ADCY2: variants seen among roughly 807,000 people sequenced by gnomAD.
ADCY2 encodes adenylate cyclase 2.
Under a neutral mutation model 125.2 loss-of-function variants are expected in ADCY2, and 31 were observed. The observed-to-expected ratio is 0.25, with a 90% CI of 0.19 to 0.33. ADCY2 has a LOEUF of 0.33. Among genes scored for constraint, ADCY2 ranks in the 10% least tolerant of loss-of-function variants. The pLI, the probability that ADCY2 is intolerant of heterozygous loss-of-function variation, is 1.00. For synonymous variants in ADCY2, 512 were observed against 548.4 expected, an observed-to-expected ratio of 0.93 and a Z score of 0.93; for missense variants, 904 against 1,418.2, an observed-to-expected ratio of 0.64 and a Z score of 5.82.
At chr5:7,780,083 G>A (rs1333120004) in intron 18 of ADCY2, among the ~76,000 whole-genome samples, 1 of 152,162 alleles carries the variant, frequency 6.6e-6, no homozygotes, top group Non-Finnish European at 1.5e-5. Context: ...AGCAGGAGAG[G>A]ACACCATGAA....
chr5:7,524,047 A>G (rs1468515125), intron 3 of ADCY2, among the ~76,000 whole-genome samples: 1 of 151,786 alleles, frequency 6.6e-6, no homozygotes, highest in Non-Finnish European at 1.5e-5. Flanking sequence ...TCCCTGCTGC[A>G]TAAGAGAGTT....
At chr5:7,770,843 G>A (rs149801224) in intron 17 of ADCY2, among the ~76,000 whole-genome samples, 79 of 152,074 alleles carry the variant, frequency 5.2e-4, no homozygotes, top group African/African-American at 1.8e-3. Flanking sequence ...TTTTCATTTC[G>A]CTTTGTTTTG....
intron 7 of ADCY2, among the ~76,000 whole-genome samples, chr5:7,705,401 G>A (rs1741235538): frequency 6.6e-6 from 1 of 152,240 alleles, no homozygotes; most frequent in African/African-American, 2.4e-5. Context: ...CAGCAAGGCT[G>A]CCTAGACCAG....
At chr5:7,558,367 A>G (rs952674737) in intron 3 of ADCY2, among the ~76,000 whole-genome samples, 3 of 152,056 alleles carry the variant, frequency 2.0e-5, no homozygotes, top group African/African-American at 4.8e-5. Flanking sequence ...TTACTTTTTA[A>G]TAATAGCCAT....
chr5:7,513,191 G>T (rs561252747), intron 2 of ADCY2, among the ~76,000 whole-genome samples: 101 of 152,070 alleles, frequency 6.6e-4, no homozygotes, highest in Non-Finnish European at 1.2e-3. Context: ...TTAAACTTGA[G>T]AAATAGGGTA....
chr5:7,616,735 G>A (rs1468418197), intron 3 of ADCY2, among the ~76,000 whole-genome samples: 5 of 152,158 alleles, frequency 3.3e-5, no homozygotes, highest in Non-Finnish European at 7.4e-5. Flanking sequence ...ATGTCATATT[G>A]TGATGGACTG....
intron 4 of ADCY2, among the ~76,000 whole-genome samples, chr5:7,655,995 C>G (rs1739309657): frequency 6.6e-6 from 1 of 151,748 alleles, no homozygotes; most frequent in Non-Finnish European, 1.5e-5. Context: ...GCAGTTGATA[C>G]AGCACCTGTC....
At chr5:7,588,992 C>G (rs1736720739) in intron 3 of ADCY2, among the ~76,000 whole-genome samples, 1 of 152,122 alleles carries the variant, frequency 6.6e-6, no homozygotes, top group Non-Finnish European at 1.5e-5. Context: ...TATGTTAAAC[C>G]TTCACTATCC....
chr5:7,500,507 G>A (rs1292667270), intron 2 of ADCY2, among the ~76,000 whole-genome samples: 3 of 152,142 alleles, frequency 2.0e-5, no homozygotes, highest in Non-Finnish European at 2.9e-5. Context: ...GTGTGTCCCC[G>A]TGCTATGATG....
chr5:7,465,187 C>T (rs1742069895), intron 2 of ADCY2, among the ~76,000 whole-genome samples: 1 of 152,204 alleles, frequency 6.6e-6, no homozygotes, highest in African/African-American at 2.4e-5. Flanking sequence ...TGGGTGGCGA[C>T]ACAGCCAAAC....
chr5:7,565,936 A>G (rs1219597862), intron 3 of ADCY2, among the ~76,000 whole-genome samples: 2 of 152,234 alleles, frequency 1.3e-5, no homozygotes, highest in East Asian at 3.8e-4. Context: ...CCTAGTTCTC[A>G]GAAACCTGCT....
chr5:7,406,431 C>A (rs776024091), intron 1 of ADCY2, among the ~76,000 whole-genome samples: 3 of 152,304 alleles, frequency 2.0e-5, no homozygotes, highest in Middle Eastern at 6.8e-3. Flanking sequence ...CTTCTGCTCT[C>A]CCAAAAGAAG....
At chr5:7,678,619 A>G (rs1740213550) in intron 4 of ADCY2, among the ~76,000 whole-genome samples, 1 of 152,230 alleles carries the variant, frequency 6.6e-6, no homozygotes, top group African/African-American at 2.4e-5. Context: ...GGTGTTCAAC[A>G]GTAACCAAAA....
chr5:7,629,618 G>T (rs1191436071), intron 4 of ADCY2, among the ~76,000 whole-genome samples: 3 of 152,220 alleles, frequency 2.0e-5, no homozygotes, highest in African/African-American at 4.8e-5. Flanking sequence ...GTAGGGAAAA[G>T]AATGCATTGC....
At chr5:7,440,887 A>G (rs1313154750) in intron 2 of ADCY2, among the ~76,000 whole-genome samples, 1 of 152,220 alleles carries the variant, frequency 6.6e-6, no homozygotes, top group East Asian at 1.9e-4. Flanking sequence ...GGGCTGAGCC[A>G]AAGAACCCAC....
At chr5:7,629,412 T>C (rs1738242109) in intron 4 of ADCY2, among the ~76,000 whole-genome samples, 1 of 152,180 alleles carries the variant, frequency 6.6e-6, no homozygotes, top group African/African-American at 2.4e-5. Flanking sequence ...TTTCTTCAGA[T>C]TTTGTGATAT....
At chr5:7,488,886 G>A (rs952128858) in intron 2 of ADCY2, among the ~76,000 whole-genome samples, 6 of 152,072 alleles carry the variant, frequency 3.9e-5, no homozygotes, top group South Asian at 2.1e-4. Context: ...GCTCATTTGC[G>A]GTCCAGACCT....
intron 14 of ADCY2, among the ~76,000 whole-genome samples, chr5:7,738,078 T>A (rs890265129): frequency 3.3e-5 from 5 of 152,126 alleles, no homozygotes; most frequent in East Asian, 1.9e-4. Flanking sequence ...GAAAAAGGAA[T>A]CTAAGGAAGG....
chr5:7,399,709 T>G (rs1739190450), intron 1 of ADCY2, among the ~76,000 whole-genome samples: 1 of 152,186 alleles, frequency 6.6e-6, no homozygotes, highest in Non-Finnish European at 1.5e-5. Flanking sequence ...ATAATATGAG[T>G]AATAGTTTCT....
Sources: allele counts gnomAD v4.1 joint callset (sites outside exome capture counted in the v4.1 genomes callset), GRCh38; gene constraint gnomAD v4.1.1; transcripts MANE v1.5; gene names NCBI Gene and HGNC (gene_info 2026-07-23, HGNC 2026-07-21).